The following NOS3 variants were observed in gnomAD, a reference collection of about 807,000 sequenced individuals.
NOS3 encodes nitric oxide synthase 3.
In NOS3, 98 loss-of-function variants were observed where a neutral mutation model predicts 144.9. The observed-to-expected ratio is 0.68, with a 90% CI of 0.57 to 0.80. NOS3 has a LOEUF of 0.80. NOS3 is among the 30% of genes least tolerant of loss of function. The pLI is 0.00. For synonymous variants in NOS3, 714 were observed against 702.4 expected (o/e 1.02, Z -0.26); for missense variants, 1,465 against 1,656.4 (o/e 0.88, Z 2.01).
At position 151,009,688 on chromosome 7, in the gene NOS3, C is replaced by T. The variant is rs1351648824; in HGVS notation, c.2512+103C>T. On this transcript the variant is annotated intron_variant, in intron 20 of 26. Coordinates refer to ENST00000297494, the MANE Select transcript of NOS3 (RefSeq NM_000603.5). ...CTCAGGACCCGACCCAGGGGGTGGC[C>T]ACCTCCTCCACAGCTCAGCAGGCAG... 1.3e-5 allele frequency: 12 copies of T among 956,718 alleles called. No individual in the cohort carries two copies. The East Asian group carries it at 2.9e-4, about 23-fold the overall frequency. The allele number at this position is 956,718 out of a possible 1,614,324, so 59.3% of individuals were successfully genotyped here.
chr7:151,001,933 G>A lies in NOS3; in HGVS notation c.1615G>A (p.Gly539Arg). Residue 539 changes from glycine to arginine, a missense_variant, in exon 13 of 27, where the codon GGG (glycine) becomes AGG (arginine). Transcript: ENST00000297494. ...GRAQSYAQQL[G>R]RLFRKAFDPR... The stretch of plus-strand genomic sequence containing the variant: ...GGCCCAGAGCTACGCACAGCAGCTG[G>A]GGAGACTCTTCCGGAAGGCTTTTGA... 6.2e-7 allele frequency: 1 copy of A among 1,613,548 alleles called. No homozygotes were observed. The highest frequency in any genetic ancestry group is 8.5e-7 in the Non-Finnish European group (1 of 1,180,002).
intron 14 of NOS3, among the ~76,000 whole-genome samples, chr7:151,005,544 GT>G (rs1021645637): frequency 1.3e-5 from 2 of 152,222 alleles, no homozygotes; most frequent in African/African-American, 4.8e-5. Context: ...TCTAGCCGTT[GT>G]TAGCCAGGAG....
At chr7:150,997,372 G>A (rs1310048015) in intron 5 of NOS3, among the ~76,000 whole-genome samples, 1 of 152,050 alleles carries the variant, frequency 6.6e-6, no homozygotes, top group African/African-American at 2.4e-5. Context: ...AAAAGCCCTG[G>A]CTGCTGCTTC....
intron 14 of NOS3, among the ~76,000 whole-genome samples, chr7:151,006,085 T>A (rs1201198398): frequency 6.6e-6 from 1 of 152,050 alleles, no homozygotes; most frequent in South Asian, 2.1e-4. Flanking sequence ...CTGCAATAAA[T>A]TATTGATTAA....
chr7:151,004,846 TTGTTTGTTTG>T (rs946653514), intron 14 of NOS3, among the ~76,000 whole-genome samples: 1 of 149,246 alleles, frequency 6.7e-6, no homozygotes, highest in African/African-American at 2.6e-5. Context: ...TAATGTTTGT[TTGTTTGTTTG>T]TTTGTTTGTT....
rs973513722 is a variant in NOS3 at position 150,993,419 on chromosome 7, G to A, written c.-51-334G>A. On this transcript the variant is annotated intron_variant, in intron 1 of 26. Transcript: ENST00000297494. This position sits in a 1 kb window ranked among gnomAD's most constrained non-coding sequence, Gnocchi z 4.0. The stretch of plus-strand genomic sequence containing the variant: ...GGGAAAGGCACACAGGGGTGAGGCC[G>A]AAGGCCCTTCCGTCTGGTGCCACAT... 3.3e-5 allele frequency among the ~76,000 whole-genome samples: 5 copies of A among 152,274 alleles called. No individual in the cohort carries two copies. Among genetic ancestry groups the A allele is most frequent in the African/African-American group, 4.8e-5 (2 of 41,548 alleles).
In NOS3 at chr7:150,998,315, C is replaced by A; in HGVS notation, c.583-42C>A. The A allele has an allele frequency of 6.3e-7, 1 of 1,575,266 alleles. No homozygotes were observed. Among genetic ancestry groups the A allele is most frequent in the South Asian group, 1.1e-5 (1 of 87,992 alleles). On this transcript the variant is annotated intron_variant, in intron 5 of 26. Coordinates refer to ENST00000297494, the MANE Select transcript of NOS3 (RefSeq NM_000603.5). This position sits in a 1 kb window ranked among gnomAD's most constrained non-coding sequence, Gnocchi z 5.0. ...GGAGCTGATACTCAAGACCCCCCGT[C>A]TCTCTCCTCACCCTCCTCTCCCGCT...
At chr7:151,007,672 G>C (rs1296974369) in intron 17 of NOS3, among the ~76,000 whole-genome samples, 1 of 152,266 alleles carries the variant, frequency 6.6e-6, no homozygotes, top group Non-Finnish European at 1.5e-5. Context: ...AAGGGCTGAA[G>C]CTGAGGCCAG....
Position 150,991,315 on chromosome 7 carries a change from A to G in NOS3, c.-52+15A>G, listed in dbSNP as rs1330370636. 1 of 152,236 alleles carries G rather than the reference A, an allele frequency of 6.6e-6. No individual in the cohort carries two copies. The highest frequency in any genetic ancestry group is 1.5e-5 in the Non-Finnish European group (1 of 68,060). The allele number at this position is 152,236 out of a possible 1,614,324, so 9.4% of individuals were successfully genotyped here. The stretch of plus-strand genomic sequence containing the variant: ...TTCTGCAGCAGGTACCTGCTCTCTA[A>G]GAGGGAGGCCTGGGTGGTGCACCTC... On this transcript the variant is annotated intron_variant, in intron 1 of 26. Transcript: ENST00000297494.
rs1031908196 is a variant in NOS3, at chr7:150,995,307, C to T, written c.263C>T (p.Ala88Val). The change falls in exon 3 of 27, where the codon GCG becomes GTG. Residue 88 changes from alanine to valine, a missense_variant. Physicochemically the swap from Ala to Val is moderately conservative, Grantham distance 64. Transcript: ENST00000297494. The stretch of plus-strand genomic sequence containing the variant: ...ACCTATGACACCCTCAGCGCCCAGG[C>T]GCAGCAGGTAAGGCCGGCATGCCCT... ...SITYDTLSAQAQQDGPCTPRR... is the reference protein window; with the variant it reads ...SITYDTLSAQVQQDGPCTPRR... The T allele has an allele frequency of 1.8e-5, 29 of 1,609,058 alleles. No individual in the cohort carries two copies. Among genetic ancestry groups the T allele is most frequent in the Middle Eastern group, 1.6e-4 (1 of 6,070 alleles).
rs1802250292 is a variant in NOS3, at chr7:150,991,307, G to C, written c.-52+7G>C. The C allele has an allele frequency of 6.6e-6, 1 of 152,268 alleles. No individual in the cohort carries two copies. The highest frequency in any genetic ancestry group is 2.4e-5 in the African/African-American group (1 of 41,452). The allele number at this position is 152,268 out of a possible 1,614,324, so 9.4% of individuals were successfully genotyped here. On this transcript the variant is annotated splice_region_variant and intron_variant, in intron 1 of 26. Coordinates refer to ENST00000297494, the MANE Select transcript of NOS3 (RefSeq NM_000603.5). ...CCAGCACCTTCTGCAGCAGGTACCT[G>C]CTCTCTAAGAGGGAGGCCTGGGTGG...
rs1381235367 is a variant in NOS3 at position 151,002,259 on chromosome 7, G to A, written c.1707G>A (p.Val569=). The A allele has an allele frequency of 1.6e-5, 26 of 1,600,070 alleles. No individual in the cohort carries two copies. The highest frequency in any genetic ancestry group is 2.2e-5 in the Non-Finnish European group (26 of 1,172,966). ...VSLEHETLVL[V]VTSTFGNGDP... ...TCGAACACGAGACGCTGGTGCTGGTGGTAACCAGCACATTTGGGAATGGGG... is the reference window on the plus strand; with the variant it reads ...TCGAACACGAGACGCTGGTGCTGGTAGTAACCAGCACATTTGGGAATGGGG... The change falls in exon 14 of 27, where the codon GTG becomes GTA. Residue 569 remains valine, a synonymous_variant. Coordinates refer to ENST00000297494, the MANE Select transcript of NOS3 (RefSeq NM_000603.5). The surrounding 1 kb of genome is among the most constrained non-coding windows in gnomAD (Gnocchi z 4.1).
At chr7:151,010,488 G>T in intron 21 of NOS3, 109 bp from the exon 22 acceptor site, 1 of 1,225,652 alleles carries the variant, frequency 8.2e-7, no homozygotes, top group South Asian at 1.6e-5. Context: ...CTATTGGCCT[G>T]AACTGAGCAG....
intron 17 of NOS3, among the ~76,000 whole-genome samples, chr7:151,008,447 C>G (rs558182681): frequency 6.6e-6 from 1 of 152,320 alleles, no homozygotes; most frequent in African/African-American, 2.4e-5. Flanking sequence ...CTCTGCCGCC[C>G]GAATTGTGCG....
chr7:150,994,043 T>A, intron 2 of NOS3, 82 bp downstream of exon 2: 1 of 1,458,266 alleles, frequency 6.9e-7, no homozygotes, highest in Non-Finnish European at 9.2e-7. Context: ...GGTCTGGAAC[T>A]TGTAGCTGAG....
At chr7:150,992,462 C>T (rs1351072499) in intron 1 of NOS3, among the ~76,000 whole-genome samples, 1 of 152,176 alleles carries the variant, frequency 6.6e-6, no homozygotes, top group Non-Finnish European at 1.5e-5. Flanking sequence ...GCCCTTCCAT[C>T]TCCCTCCTCC....
intron 20 of NOS3, 97 bp downstream of exon 20, chr7:151,009,682 G>T (rs1219453452): frequency 4.8e-6 from 5 of 1,051,262 alleles, no homozygotes; most frequent in Non-Finnish European, 6.7e-6. Flanking sequence ...CGACCCAGGG[G>T]GTGGCCACCT....
In NOS3 at chr7:151,013,398, G is replaced by T. The variant is rs745585290; in HGVS notation, c.3255+19G>T. 5.6e-6 allele frequency: 9 copies of T among 1,603,470 alleles called. 1 individual carries two copies. In the Admixed American group the frequency reaches 1.2e-4, roughly 21 times the overall value. ...CCCCAAGGTGTGAGACCCTGAGGGCGCAATGGTAACCTGAAGATAGGGAGA... is the reference window on the plus strand; with the variant it reads ...CCCCAAGGTGTGAGACCCTGAGGGCTCAATGGTAACCTGAAGATAGGGAGA... On this transcript the variant is annotated intron_variant, in intron 25 of 26. Coordinates refer to ENST00000297494, the MANE Select transcript of NOS3 (RefSeq NM_000603.5).
chr7:151,006,734 G>A (rs3918191), intron 15 of NOS3, among the ~76,000 whole-genome samples, 155 bp from the exon 16 acceptor site: 4 of 152,152 alleles, frequency 2.6e-5, no homozygotes, highest in Non-Finnish European at 2.9e-5. Context: ...CCCCAGGCTC[G>A]GAACCCCAGG....
Sources: allele counts gnomAD v4.1 joint callset (sites outside exome capture counted in the v4.1 genomes callset), GRCh38; gene constraint gnomAD v4.1.1; non-coding constraint Gnocchi (gnomAD v3.1); transcripts MANE v1.5; gene names NCBI Gene and HGNC (gene_info 2026-07-23, HGNC 2026-07-21).